Variants in P2RY13 observed in about 807,000 individuals in gnomAD.
P2RY13 encodes the protein purinergic receptor P2Y13.
For missense variants in P2RY13, 412 were observed against 418.4 expected (o/e 0.98, Z 0.13); for synonymous variants, 150 against 155.1 (o/e 0.97, Z 0.24).
In P2RY13 at chr3:151,327,939, A is replaced by G. The variant is rs573827831; in HGVS notation, c.*52T>C. 20 of 1,275,736 alleles carry G rather than the reference A, an allele frequency of 1.6e-5. No homozygotes were observed. The Admixed American group carries it at 4.3e-4, about 27-fold the overall frequency. 79.0% of individuals were successfully genotyped at this position (1,275,736 alleles called of 1,614,324 possible). A position where few individuals can be genotyped will look rare whatever the true frequency, so the allele number is the denominator to read the frequency against. ...TTTCTTGGTTAAATTTGATTTCCAC[A>G]TTATCTACGGAAGTCTCATCAATAA... On this transcript the variant is annotated 3_prime_UTR_variant, in exon 2 of 2. Coordinates refer to ENST00000325602, the MANE Select transcript of P2RY13 (RefSeq NM_176894.3).
rs756603051 is a variant in P2RY13, at chr3:151,328,419, A to G, written c.637T>C (p.Cys213Arg). The change falls in exon 2 of 2, where the codon TGC (cysteine) becomes CGC (arginine). Residue 213 changes from cysteine to arginine, a missense_variant. By Grantham distance (180) the Cys-to-Arg change is radical (BLOSUM62 -3). Coordinates refer to ENST00000325602, the MANE Select transcript of P2RY13 (RefSeq NM_176894.3). ...LKWHQMVNNI[C>R]QFIFWTVFIL... ...AAAACAGTCCAGAAAATAAACTGGC[A>G]TATGTTATTTACCATTTGATGCCAT... is the stretch of plus-strand genomic sequence containing the variant. The G allele has an allele frequency of 2.5e-6, 4 of 1,613,582 alleles. No individual in the cohort carries two copies. Among genetic ancestry groups the G allele is most frequent in the Non-Finnish European group, 3.4e-6 (4 of 1,179,534 alleles).
Position 151,328,082 on chromosome 3 carries a change from G to C in P2RY13, c.974C>G (p.Thr325Arg), listed in dbSNP as rs1749867971. The change falls in exon 2 of 2, where the codon ACA becomes AGA. Residue 325 changes from threonine to arginine, a missense_variant. By Grantham distance (71) the Thr-to-Arg change is moderately conservative. Coordinates refer to ENST00000325602, the MANE Select transcript of P2RY13 (RefSeq NM_176894.3). ...CCCTTGCATACATGGTAGCTTTTCT[G>C]TGAATTTTTTACATAAGAATATGTA... ...LIYIFLCKKF[T>R]EKLPCMQGRK... is the part of the protein sequence containing the mutation. 6.2e-7 allele frequency: 1 copy of C among 1,609,980 alleles called. No individual in the cohort carries two copies.
At chr3:151,329,427 G>T in intron 1 of P2RY13, 54 bp downstream of exon 1, 1 of 1,115,866 alleles carries the variant, frequency 9.0e-7, no homozygotes, top group Non-Finnish European at 1.3e-6. Flanking sequence ...TTTCCCTTAA[G>T]CATATTCTTT....
intron 1 of P2RY13, among the ~76,000 whole-genome samples, chr3:151,329,208 T>C (rs1750066935): frequency 6.6e-6 from 1 of 152,206 alleles, no homozygotes; most frequent in Non-Finnish European, 1.5e-5. Context: ...TTTTTGGTAC[T>C]TTTAACAGTA....
At chr3:151,329,092 T>C (rs563195353) in intron 1 of P2RY13, 85 bp from the exon 2 acceptor site, 4 of 956,962 alleles carry the variant, frequency 4.2e-6, no homozygotes, top group East Asian at 2.5e-5. Flanking sequence ...AAACAGACTT[T>C]ATGTTTATAG....
chr3:151,329,153 G>T, intron 1 of P2RY13, 146 bp from the exon 2 acceptor site: 1 of 640,312 alleles, frequency 1.6e-6, no homozygotes, highest in Non-Finnish European at 2.6e-6. Context: ...GTGTTGAAAA[G>T]GAAAATACTG....
In P2RY13 at chr3:151,328,670, A is replaced by ATGGTCT. The variant is rs1560034304; in HGVS notation, c.385_386insAGACCA (p.Val129delinsGluThrMet). The ATGGTCT allele has an allele frequency of 6.2e-7, 1 of 1,613,788 alleles. No homozygotes were observed. The highest frequency in any genetic ancestry group is 8.5e-7 in the Non-Finnish European group (1 of 1,179,806). ...TATGAGCCCTAACAGCACGATGCCC[A>ATGGTCT]CATACATGGTCTCATAAAATATCAC... On this transcript the variant is annotated protein_altering_variant, in exon 2 of 2. Coordinates refer to ENST00000325602, the MANE Select transcript of P2RY13 (RefSeq NM_176894.3).
chr3:151,329,170 G>A (rs1360434238), intron 1 of P2RY13, among the ~76,000 whole-genome samples, 163 bp from the exon 2 acceptor site: 1 of 152,110 alleles, frequency 6.6e-6, no homozygotes, highest in African/African-American at 2.4e-5. Context: ...ACTGTTTTCT[G>A]GCTAGAATTT....
At position 151,328,590 on chromosome 3, in the gene P2RY13, T is replaced by G. The variant is rs368920684; in HGVS notation, c.466A>C (p.Lys156Gln). 5.9e-5 allele frequency: 96 copies of G among 1,613,826 alleles called. No homozygotes were observed. The highest frequency in any genetic ancestry group is 4.8e-5 in the Non-Finnish European group (57 of 1,179,906). The change falls in exon 2 of 2, where the codon AAA becomes CAA. Residue 156 changes from lysine (K) to glutamine (Q), a missense_variant. Coordinates refer to ENST00000325602, the MANE Select transcript of P2RY13 (RefSeq NM_176894.3). ...IRPLRNIFLK[K>Q]PVFAKTVSIF... is the part of the protein sequence containing the mutation. ...GAGACCGTTTTTGCAAAAACAGGTTTTTTTAGAAAAATATTTCTCAAAGGT... is the reference window on the plus strand; with the variant it reads ...GAGACCGTTTTTGCAAAAACAGGTTGTTTTAGAAAAATATTTCTCAAAGGT...
rs1749830871 is a variant in P2RY13, at chr3:151,327,855, A to G, written c.*136T>C. 2 of 628,786 alleles carry G rather than the reference A, an allele frequency of 3.2e-6. No homozygotes were observed. The highest frequency in any genetic ancestry group is 2.8e-5 in the East Asian group (1 of 35,334). 39.0% of individuals were successfully genotyped at this position (628,786 alleles called of 1,614,324 possible). Reference sequence around the variant, plus strand: ...AGATCTATGTGGATTTAAATTTTATATAATCTTTTCTGTACACGAGGATAA... The same window carrying G: ...AGATCTATGTGGATTTAAATTTTATGTAATCTTTTCTGTACACGAGGATAA... On this transcript the variant is annotated 3_prime_UTR_variant, in exon 2 of 2. Coordinates refer to ENST00000325602, the MANE Select transcript of P2RY13 (RefSeq NM_176894.3).
In P2RY13 at chr3:151,328,587, G is replaced by GT. The variant is rs1560033985; in HGVS notation, c.468dup (p.Pro157ThrfsTer55). 3.7e-6 allele frequency: 6 copies of GT among 1,613,512 alleles called. No individual in the cohort carries two copies. The highest frequency in any genetic ancestry group is 5.1e-6 in the Non-Finnish European group (6 of 1,179,790). ...ATTGAGACCGTTTTTGCAAAAACAGGTTTTTTTAGAAAAATATTTCTCAAA... is the reference window on the plus strand; with the variant it reads ...ATTGAGACCGTTTTTGCAAAAACAGGTTTTTTTTAGAAAAATATTTCTCAAA... On this transcript the variant is annotated frameshift_variant, in exon 2 of 2. Transcript: ENST00000325602. LOFTEE classifies it low-confidence loss of function (END_TRUNC).
chr3:151,328,543 C>T lies in P2RY13; in HGVS notation c.513G>A (p.Leu171=), dbSNP rs376836205. ...KTVSIFIWFF[L]FFISLPNTIL... ...TCGTATTTGGCAGGGAGATGAAGAA[C>T]AAAAAGAACCAGATGAAGATTGAGA... Residue 171 remains leucine (L), a synonymous_variant, in exon 2 of 2, where the codon TTG becomes TTA. Coordinates refer to ENST00000325602, the MANE Select transcript of P2RY13 (RefSeq NM_176894.3). The T allele has an allele frequency of 1.1e-4, 183 of 1,613,734 alleles. No homozygotes were observed. The highest frequency in any genetic ancestry group is 1.5e-4 in the Non-Finnish European group (174 of 1,179,840).
At position 151,328,394 on chromosome 3, in the gene P2RY13, A is replaced by G; in HGVS notation, c.662T>C (p.Phe221Ser). 6.2e-7 allele frequency: 1 copy of G among 1,613,838 alleles called. No homozygotes were observed. Among genetic ancestry groups the G allele is most frequent in the Non-Finnish European group, 8.5e-7 (1 of 1,179,844 alleles). ...NICQFIFWTV[F>S]ILMLVFYVVI... ...CACATAAAACACAAGCATTAGGATA[A>G]AAACAGTCCAGAAAATAAACTGGCA... Residue 221 changes from phenylalanine to serine, a missense_variant, in exon 2 of 2, where the codon TTT (phenylalanine) becomes TCT (serine). Coordinates refer to ENST00000325602, the MANE Select transcript of P2RY13 (RefSeq NM_176894.3).
intron 1 of P2RY13, 37 bp from the exon 2 acceptor site, chr3:151,329,044 C>CA: frequency 7.0e-7 from 1 of 1,436,132 alleles, no homozygotes; most frequent in Non-Finnish European, 9.4e-7. Flanking sequence ...CAAAAGAAAA[C>CA]AAAAAGCCCT....
At chr3:151,329,422 C>G in intron 1 of P2RY13, 59 bp downstream of exon 1, 1 of 1,082,922 alleles carries the variant, frequency 9.2e-7, no homozygotes, top group Non-Finnish European at 1.4e-6. Context: ...CCTTTTTTCC[C>G]TTAAGCATAT....
In P2RY13 at chr3:151,328,975, C is replaced by T. The variant is rs759952511; in HGVS notation, c.81G>A (p.Met27Ile). Residue 27 changes from methionine (M) to isoleucine (I), a missense_variant, in exon 2 of 2, where the codon ATG becomes ATA. Coordinates refer to ENST00000325602, the MANE Select transcript of P2RY13 (RefSeq NM_176894.3). ...VTLEAMNTTV[M>I]QGFNRSERCP... ...ACCGCTCAGATCTGTTGAAGCCTTG[C>T]ATCACTGTGGTGTTCATTGCTTCCA... The T allele has an allele frequency of 1.2e-5, 20 of 1,611,848 alleles. No homozygotes were observed. Among genetic ancestry groups the T allele is most frequent in the Non-Finnish European group, 1.7e-5 (20 of 1,178,896 alleles).
rs1750015174 is a variant in P2RY13, at chr3:151,328,906, G to C, written c.150C>G (p.Leu50=). Residue 50 remains leucine (L), a synonymous_variant, in exon 2 of 2, where the codon CTC becomes CTG. Coordinates refer to ENST00000325602, the MANE Select transcript of P2RY13 (RefSeq NM_176894.3). ...TGCCGGTCAAGAAAACCACTGTGTA[G>C]AGGGCTGGGAATACCAGCTGTACTA... ...TRIVQLVFPA[L]YTVVFLTGIL... is the part of the protein sequence containing the mutation. 6.2e-7 allele frequency: 1 copy of C among 1,613,910 alleles called. No homozygotes were observed. The highest frequency in any genetic ancestry group is 8.5e-7 in the Non-Finnish European group (1 of 1,179,916).
chr3:151,327,982 G>A lies in P2RY13; in HGVS notation c.*9C>T. The A allele has an allele frequency of 2.0e-6, 3 of 1,532,392 alleles. No homozygotes were observed. The highest frequency in any genetic ancestry group is 2.6e-6 in the Non-Finnish European group (3 of 1,144,940). 94.9% of individuals were successfully genotyped at this position (1,532,392 alleles called of 1,614,324 possible). ...ATCAATAAATAGAAGTTAACCCTATGTACAGTTGTCAGCCTAAGGTTATGT... is the reference window on the plus strand; with the variant it reads ...ATCAATAAATAGAAGTTAACCCTATATACAGTTGTCAGCCTAAGGTTATGT... On this transcript the variant is annotated 3_prime_UTR_variant, in exon 2 of 2. Coordinates refer to ENST00000325602, the MANE Select transcript of P2RY13 (RefSeq NM_176894.3).
rs926801583 is a variant in P2RY13 at position 151,327,416 on chromosome 3, G to A, written c.*575C>T. 2 of 152,198 alleles carry A rather than the reference G, an allele frequency of 1.3e-5. No individual in the cohort carries two copies. Among genetic ancestry groups the A allele is most frequent in the Admixed American group, 6.5e-5 (1 of 15,274 alleles). 9.4% of individuals were successfully genotyped at this position (152,198 alleles called of 1,614,324 possible). A position where few individuals can be genotyped will look rare whatever the true frequency, so the allele number is the denominator to read the frequency against. ...GCCTCCTATGGTATATTATTGTAAT[G>A]TGAAAGAGGCTGTTTGTAATTGTAA... On this transcript the variant is annotated 3_prime_UTR_variant, in exon 2 of 2. Transcript: ENST00000325602.
Sources: gnomAD v4.1 joint callset for allele counts (sites outside exome capture counted in the v4.1 genomes callset) on GRCh38, gnomAD v4.1.1 for gene constraint, MANE v1.5 for transcripts, NCBI Gene and HGNC (gene_info 2026-07-23, HGNC 2026-07-21) for gene names.